Variants in LIMCH1 observed in about 807,000 individuals in gnomAD.
LIMCH1 encodes LIM and calponin homology domains 1, also known as LIM and calponin homology domains-containing protein 1.
A neutral mutation model predicts 176.5 loss-of-function variants in LIMCH1; 113 were observed. That is an observed-to-expected ratio of 0.64 (90% confidence interval 0.55 to 0.75). The LOEUF (loss-of-function observed/expected upper bound fraction) is 0.75. LIMCH1 is among the 30% of genes least tolerant of loss of function. The pLI is 0.00. For synonymous variants in LIMCH1, 619 were observed against 645.9 expected (o/e 0.96, Z 0.63); for missense variants, 1,674 against 1,814.9 (o/e 0.92, Z 1.41).
At chr4:41,618,075 A>T (rs2092279319) in intron 5 of LIMCH1, among the ~76,000 whole-genome samples, 1 of 152,216 alleles carries the variant, frequency 6.6e-6, no homozygotes, top group African/African-American at 2.4e-5. Flanking sequence ...ACTTAACACC[A>T]ACCTTCTCTG....
chr4:41,687,697 C>A, intron 28 of LIMCH1, 143 bp from the exon 29 acceptor site: 5 of 517,642 alleles, frequency 9.7e-6, no homozygotes, highest in Admixed American at 3.2e-5. Flanking sequence ...AAAAAAAATA[C>A]TGCCAGGAAA....
At chr4:41,551,340 C>T (rs1431538236) in intron 1 of LIMCH1, 1 of 152,158 alleles carries the variant, frequency 6.6e-6, no homozygotes, top group Non-Finnish European at 1.5e-5. Flanking sequence ...TCCTTCCAAA[C>T]AAGTGCATGA....
intron 18 of LIMCH1, among the ~76,000 whole-genome samples, chr4:41,653,256 A>G (rs2094361165): frequency 6.6e-6 from 1 of 151,846 alleles, no homozygotes; most frequent in Admixed American, 6.6e-5. Flanking sequence ...TCTCCAGTAA[A>G]CCTACTCCCC....
At position 41,620,592 on chromosome 4, in the gene LIMCH1, T is replaced by C. The variant is rs1302956939; in HGVS notation, c.627T>C (p.Ala209=). ...CAGACGGGGCTGTGGTGGCACCAGC[T>C]CCCAAGTCTGAAGAAAAAGATGCTG... is the stretch of plus-strand genomic sequence containing the variant. ...PSSDGAVVAP[A]PKSEEKDAAE... Residue 209 remains alanine, a synonymous_variant, in exon 7 of 32, where the codon GCT becomes GCC. Coordinates refer to ENST00000503057, the MANE Select transcript of LIMCH1 (RefSeq NM_001330672.2). 2.0e-6 allele frequency: 3 copies of C among 1,536,088 alleles called. No homozygotes were observed. In the East Asian group the frequency reaches 7.3e-5, roughly 38 times the overall value.
At chr4:41,363,522 G>A (rs968595172) in intron 1 of LIMCH1, among the ~76,000 whole-genome samples, 12 of 152,014 alleles carry the variant, frequency 7.9e-5, no homozygotes, top group African/African-American at 2.7e-4. Context: ...TGCTTGTCTC[G>A]CCTCGATTCT....
intron 18 of LIMCH1, among the ~76,000 whole-genome samples, chr4:41,656,292 G>T (rs1005606154): frequency 3.3e-5 from 5 of 152,176 alleles, no homozygotes; most frequent in African/African-American, 1.2e-4. Context: ...TTATAACTGA[G>T]ACCAACTGCA....
At chr4:41,365,551 A>T (rs982005914) in intron 1 of LIMCH1, among the ~76,000 whole-genome samples, 1 of 152,244 alleles carries the variant, frequency 6.6e-6, no homozygotes, top group Non-Finnish European at 1.5e-5. Flanking sequence ...TAGGGACTAG[A>T]TTCTTAACAT....
intron 28 of LIMCH1, among the ~76,000 whole-genome samples, chr4:41,687,282 A>G (rs1721597923): frequency 6.6e-6 from 1 of 152,206 alleles, no homozygotes; most frequent in Non-Finnish European, 1.5e-5. Context: ...TGACTTGTTG[A>G]TGCCCACGAC....
chr4:41,448,777 C>G (rs891892969), intron 1 of LIMCH1, among the ~76,000 whole-genome samples: 1 of 152,068 alleles, frequency 6.6e-6, no homozygotes, highest in African/African-American at 2.4e-5. Context: ...GCGGACACCT[C>G]GAGAGAAAAG....
intron 1 of LIMCH1, among the ~76,000 whole-genome samples, chr4:41,492,754 A>G (rs2154174534): frequency 1.3e-5 from 2 of 152,266 alleles, no homozygotes; most frequent in South Asian, 4.1e-4. Flanking sequence ...ATTTCTCTGT[A>G]TAGTTCTATC....
In LIMCH1 at chr4:41,650,567, A is replaced by T; in HGVS notation, c.2995A>T (p.Ile999Phe). Residue 999 changes from isoleucine to phenylalanine, a missense_variant, in exon 18 of 32, where the codon ATC becomes TTC. Ile to Phe is a conservative substitution (Grantham distance 21, BLOSUM62 0). Transcript: ENST00000503057. ...ELKQDNGSIE[I>F]NIKKPNSVPQ... is the part of the protein sequence containing the mutation. ...GAAACAAGACAACGGTAGCATCGAG[A>T]TCAACATAAAGAAGCCAAACTCTGT... 1 of 1,614,060 alleles carries T rather than the reference A, an allele frequency of 6.2e-7. No homozygotes were observed. Among genetic ancestry groups the T allele is most frequent in the Non-Finnish European group, 8.5e-7 (1 of 1,180,014 alleles).
chr4:41,460,958 G>T (rs1375489257), intron 1 of LIMCH1, among the ~76,000 whole-genome samples: 1 of 152,082 alleles, frequency 6.6e-6, no homozygotes, highest in East Asian at 1.9e-4. Flanking sequence ...TAAAACAAAT[G>T]ATCTCCGACT....
intron 18 of LIMCH1, among the ~76,000 whole-genome samples, chr4:41,651,599 C>G (rs1166933106): frequency 1.3e-5 from 2 of 152,184 alleles, no homozygotes; most frequent in South Asian, 2.1e-4. Context: ...TTTTCCCCCC[C>G]TGTTTATTTA....
At chr4:41,649,189 C>T (rs1258776536) in intron 17 of LIMCH1, among the ~76,000 whole-genome samples, 1 of 152,160 alleles carries the variant, frequency 6.6e-6, no homozygotes, top group African/African-American at 2.4e-5. Context: ...CACTTGAGAC[C>T]AGGAGTTCGA....
chr4:41,539,160 C>T (rs1368401920), intron 1 of LIMCH1, among the ~76,000 whole-genome samples: 4 of 152,052 alleles, frequency 2.6e-5, no homozygotes, highest in South Asian at 2.1e-4. Flanking sequence ...TTTGTGGAGT[C>T]GGGAAATCTA....
chr4:41,666,906 C>A (rs1024042221), intron 21 of LIMCH1, among the ~76,000 whole-genome samples: 2 of 152,118 alleles, frequency 1.3e-5, no homozygotes, highest in Non-Finnish European at 2.9e-5. Context: ...GCACTATAGG[C>A]ACAATAGAGC....
chr4:41,552,107 A>G (rs1257494705), intron 1 of LIMCH1, among the ~76,000 whole-genome samples: 1 of 152,152 alleles, frequency 6.6e-6, no homozygotes, highest in Admixed American at 6.5e-5. Context: ...TTGTAAAACC[A>G]TCAGATCTTG....
chr4:41,428,092 T>C (rs763842130), intron 1 of LIMCH1, among the ~76,000 whole-genome samples: 4 of 152,190 alleles, frequency 2.6e-5, no homozygotes, highest in Non-Finnish European at 2.9e-5. Flanking sequence ...TGCTCTGAAA[T>C]TGAAATCCTC....
At chr4:41,431,029 G>T (rs1201459949) in intron 1 of LIMCH1, among the ~76,000 whole-genome samples, 1 of 152,224 alleles carries the variant, frequency 6.6e-6, no homozygotes, top group African/African-American at 2.4e-5. Context: ...AGAAGTTGGT[G>T]CTGACCTTCT....
Sources: gnomAD v4.1 joint callset for allele counts (sites outside exome capture counted in the v4.1 genomes callset) on GRCh38, gnomAD v4.1.1 for gene constraint, MANE v1.5 for transcripts, NCBI Gene and HGNC (gene_info 2026-07-23, HGNC 2026-07-21) for gene names.